Variants in MAP4K4 observed in about 807,000 individuals in gnomAD.
MAP4K4 encodes HPK/GCK-like kinase HGK.
Under a neutral mutation model 189.6 loss-of-function variants are expected in MAP4K4, and 38 were observed. The observed-to-expected ratio is 0.20, with a 90% confidence interval of 0.15 to 0.26. The LOEUF (loss-of-function observed/expected upper bound fraction) is 0.26. Among genes scored for constraint, MAP4K4 ranks in the 10% least tolerant of loss-of-function variants. The probability of loss-of-function intolerance (pLI) is 1.00; values close to 1 mark genes in which losing one functional copy is unlikely to be tolerated. For synonymous variants in MAP4K4, 610 were observed against 624.3 expected (o/e 0.98, Z 0.34); for missense variants, 1,054 against 1,726.9 (o/e 0.61, Z 6.91).
intron 24 of MAP4K4, among the ~76,000 whole-genome samples, chr2:101,873,310 C>A (rs1367551137): frequency 6.6e-6 from 1 of 152,176 alleles, no homozygotes; most frequent in East Asian, 1.9e-4. Flanking sequence ...ACATTTCAGA[C>A]CTCCTTTAGG....
chr2:101,886,779 C>A (rs187545843), intron 29 of MAP4K4, among the ~76,000 whole-genome samples: 1 of 152,238 alleles, frequency 6.6e-6, no homozygotes, highest in Admixed American at 6.5e-5. Context: ...TGGTGGCTCA[C>A]GCCTGTAATT....
At chr2:101,719,771 G>A (rs2050621194) in intron 2 of MAP4K4, among the ~76,000 whole-genome samples, 2 of 152,156 alleles carry the variant, frequency 1.3e-5, no homozygotes, top group Non-Finnish European at 2.9e-5. Flanking sequence ...CAGTGCACTT[G>A]GGGAGGCTGA....
At chr2:101,883,870 A>T (rs1262494274) in intron 28 of MAP4K4, among the ~76,000 whole-genome samples, 9 of 152,104 alleles carry the variant, frequency 5.9e-5, no homozygotes, top group Admixed American at 1.3e-4. Context: ...AGTTCTAATG[A>T]TACGGGAAAG....
intron 3 of MAP4K4, among the ~76,000 whole-genome samples, chr2:101,800,133 A>AAT (rs1558981239): frequency 6.6e-6 from 1 of 151,252 alleles, no homozygotes; most frequent in African/African-American, 2.4e-5. Flanking sequence ...AAAAAAAAAA[A>AAT]AATAATAATT....
At chr2:101,813,569 G>C (rs1368643521) in intron 3 of MAP4K4, among the ~76,000 whole-genome samples, 1 of 152,178 alleles carries the variant, frequency 6.6e-6, no homozygotes, top group Non-Finnish European at 1.5e-5. Flanking sequence ...ATTTTTCCAA[G>C]AGAGGCACTT....
chr2:101,795,768 G>T (rs962064056), intron 3 of MAP4K4, among the ~76,000 whole-genome samples: 1 of 152,130 alleles, frequency 6.6e-6, no homozygotes, highest in Non-Finnish European at 1.5e-5. Flanking sequence ...TCAAAAACCA[G>T]AATTTCTTAA....
At chr2:101,793,772 C>G (rs919453048) in intron 3 of MAP4K4, among the ~76,000 whole-genome samples, 2 of 152,072 alleles carry the variant, frequency 1.3e-5, no homozygotes, top group African/African-American at 4.8e-5. Flanking sequence ...GGCTGCTCTT[C>G]TCCCGAGCTG....
Position 101,740,765 on chromosome 2 carries a change from A to G in MAP4K4, c.123+42227A>G, listed in dbSNP as rs1015756043. 3.6e-5 allele frequency among the ~76,000 whole-genome samples: 5 copies of G among 138,734 alleles called. No individual in the cohort carries two copies. The South Asian group carries it at 6.5e-4, about 18-fold the overall frequency. The allele number at this position is 138,734 out of a possible 152,430, so 91.0% of individuals were successfully genotyped here. On this transcript the variant is annotated intron_variant, in intron 2 of 32. Coordinates refer to ENST00000324219, the Ensembl canonical transcript of MAP4K4. ...CAAAGACCTTCCCTTATTCGCTTTG[A>G]AAAAAAAACCTTATTTTTAGAGTAA...
At chr2:101,748,240 G>A (rs1342055645) in intron 2 of MAP4K4, among the ~76,000 whole-genome samples, 1 of 152,144 alleles carries the variant, frequency 6.6e-6, no homozygotes, top group Non-Finnish European at 1.5e-5. Context: ...AGCTGATTAA[G>A]CAAGGAAGCA....
At chr2:101,879,127 C>T (rs1440866366) in intron 27 of MAP4K4, among the ~76,000 whole-genome samples, 1 of 137,952 alleles carries the variant, frequency 7.2e-6, no homozygotes, top group Non-Finnish European at 1.5e-5. Context: ...CCTGGGATAT[C>T]GAGGCTGCAG....
chr2:101,736,953 C>A (rs1416370201), intron 2 of MAP4K4, among the ~76,000 whole-genome samples: 1 of 152,164 alleles, frequency 6.6e-6, no homozygotes, highest in East Asian at 1.9e-4. Flanking sequence ...TCTTTGACAA[C>A]TCATTTGTAC....
intron 3 of MAP4K4, among the ~76,000 whole-genome samples, chr2:101,810,198 A>T (rs2095326289): frequency 6.6e-6 from 1 of 152,196 alleles, no homozygotes; most frequent in Non-Finnish European, 1.5e-5. Flanking sequence ...GTTTGAATCA[A>T]ATCTTTCAAA....
intron 26 of MAP4K4, 115 bp from the exon 27 acceptor site, chr2:101,876,888 G>T (rs2098220244): frequency 2.0e-6 from 2 of 994,508 alleles, no homozygotes; most frequent in Admixed American, 2.7e-5. Flanking sequence ...TCTGCTTCTG[G>T]GTGAATTAAG....
intron 2 of MAP4K4, among the ~76,000 whole-genome samples, chr2:101,719,828 A>G (rs1464658060): frequency 6.6e-6 from 1 of 151,888 alleles, no homozygotes; most frequent in Non-Finnish European, 1.5e-5. Context: ...TCTGGCCAAT[A>G]TGGTGAAACC....
intron 28 of MAP4K4, 65 bp downstream of exon 28, chr2:101,882,750 T>G (rs1164169708): frequency 1.4e-6 from 2 of 1,430,752 alleles, no homozygotes; most frequent in African/African-American, 2.9e-5. Context: ...TTTTAAACTT[T>G]AAATTTTCAC....
intron 2 of MAP4K4, among the ~76,000 whole-genome samples, chr2:101,739,946 C>G (rs979516815): frequency 1.3e-5 from 2 of 152,092 alleles, no homozygotes; most frequent in African/African-American, 2.4e-5. Flanking sequence ...CTGGCCCTTC[C>G]TATGCTTTGG....
At chr2:101,790,404 A>G (rs2092669960) in intron 2 of MAP4K4, among the ~76,000 whole-genome samples, 1 of 152,046 alleles carries the variant, frequency 6.6e-6, no homozygotes, top group African/African-American at 2.4e-5. Context: ...GGAAAATATA[A>G]AGAAAAAGTT....
At chr2:101,708,089 G>A (rs906413679) in intron 2 of MAP4K4, among the ~76,000 whole-genome samples, 20 of 152,080 alleles carry the variant, frequency 1.3e-4, no homozygotes, top group African/African-American at 3.6e-4. Flanking sequence ...TGCCTACCTC[G>A]GCCTCTGACC....
intron 3 of MAP4K4, among the ~76,000 whole-genome samples, chr2:101,797,887 TAG>T (rs1491475173): frequency 1.4e-4 from 16 of 114,788 alleles, no homozygotes; most frequent in South Asian, 1.3e-3. Context: ...AACATTCTTT[TAG>T]TTTTTTTTTT....
Sources: gnomAD v4.1 joint callset for allele counts (sites outside exome capture counted in the v4.1 genomes callset) on GRCh38, gnomAD v4.1.1 for gene constraint, MANE v1.5 for transcripts, NCBI Gene and HGNC (gene_info 2026-07-23, HGNC 2026-07-21) for gene names.